The following CPAP variants were observed in gnomAD, a reference collection of about 807,000 sequenced individuals.
The protein encoded by CPAP is centrosome assembly and centriole elongation protein.
chr13:24,894,790 T>G, the CPAP span, among the ~76,000 whole-genome samples: 4 of 146,618 alleles, frequency 2.7e-5, no homozygotes, highest in South Asian at 2.2e-4. Flanking sequence ...GCCCTCGGGG[T>G]GCAAAGGGAG....
the CPAP span, among the ~76,000 whole-genome samples, chr13:24,925,406 A>G: frequency 6.6e-6 from 1 of 152,194 alleles, no homozygotes; most frequent in Non-Finnish European, 1.5e-5. Flanking sequence ...TCACACCTGT[A>G]ATCCCAGCAC....
At chr13:24,908,101 T>C in the CPAP span, 1 of 1,612,718 alleles carries the variant, frequency 6.2e-7, no homozygotes, top group Non-Finnish European at 8.5e-7. Context: ...GTTCTGTCAC[T>C]TTCTCCCAAC....
the CPAP span, chr13:24,907,941 A>G: frequency 9.2e-7 from 1 of 1,087,660 alleles, no homozygotes; most frequent in Non-Finnish European, 1.4e-6. Flanking sequence ...GATCTTTCAA[A>G]CAAAGAAAGT....
the CPAP span, chr13:24,905,403 A>C: frequency 0.13 from 206,594 of 1,613,748 alleles, 14,414 homozygotes; most frequent in Non-Finnish European, 0.14. Flanking sequence ...TGTGAATCTG[A>C]CTTTGGTTTT....
chr13:24,889,914 C>CA, the CPAP span, among the ~76,000 whole-genome samples: 43 of 152,196 alleles, frequency 2.8e-4, no homozygotes, highest in African/African-American at 1.0e-3. Flanking sequence ...CCGTCCCTGC[C>CA]AGGAGGTGAT....
chr13:24,912,490 G>C, the CPAP span: 7 of 1,125,268 alleles, frequency 6.2e-6, no homozygotes, highest in Non-Finnish European at 7.8e-6. Context: ...GAGTGAAGGG[G>C]AAAAAACAAG....
chr13:24,902,246 CA>C, the CPAP span, among the ~76,000 whole-genome samples: 2 of 147,828 alleles, frequency 1.4e-5, no homozygotes, highest in Non-Finnish European at 3.0e-5. Context: ...TAAAAAAAAA[CA>C]AAAAACAACA....
the CPAP span, among the ~76,000 whole-genome samples, chr13:24,923,256 T>G: frequency 5.4e-4 from 81 of 148,796 alleles, 1 homozygote; most frequent in African/African-American, 2.0e-3. Context: ...TTTTTTTTTT[T>G]CTATTTGCGT....
the CPAP span, among the ~76,000 whole-genome samples, chr13:24,910,671 C>T: frequency 6.6e-6 from 1 of 152,360 alleles, no homozygotes; most frequent in African/African-American, 2.4e-5. Context: ...TGCTCCATGA[C>T]TGCATGAGGC....
the CPAP span, among the ~76,000 whole-genome samples, chr13:24,909,173 T>C: frequency 1.3e-5 from 2 of 152,108 alleles, no homozygotes; most frequent in African/African-American, 2.4e-5. Flanking sequence ...ACATGTTGTA[T>C]AAAAAAGAAG....
chr13:24,899,987 C>A, the CPAP span, among the ~76,000 whole-genome samples: 2 of 151,370 alleles, frequency 1.3e-5, no homozygotes, highest in South Asian at 4.2e-4. Context: ...TATTCCCATG[C>A]AGCTTCTTAC....
the CPAP span, among the ~76,000 whole-genome samples, chr13:24,888,342 G>A: frequency 6.6e-6 from 1 of 151,894 alleles, no homozygotes; most frequent in Non-Finnish European, 1.5e-5. Flanking sequence ...ATTACTATGC[G>A]GAATATTTTA....
At chr13:24,882,983 G>A in the CPAP span, 6 of 600,980 alleles carry the variant, frequency 1.0e-5, no homozygotes, top group Non-Finnish European at 1.8e-5. Context: ...GAAAGACAGG[G>A]TAGTGAATTA....
chr13:24,926,640 G>A, the CPAP span, among the ~76,000 whole-genome samples: 14 of 152,230 alleles, frequency 9.2e-5, no homozygotes, highest in African/African-American at 3.4e-4. Context: ...CCACAGAGGA[G>A]ACAGAGTTTC....
At chr13:24,894,720 G>A in the CPAP span, among the ~76,000 whole-genome samples, 1 of 152,136 alleles carries the variant, frequency 6.6e-6, no homozygotes, top group Non-Finnish European at 1.5e-5. Flanking sequence ...GACAGAAGGC[G>A]GAGGCGGAGG....
chr13:24,884,352 C>CGTCACCATTAAAGAAA, the CPAP span: 1 of 1,614,112 alleles, frequency 6.2e-7, no homozygotes, highest in Non-Finnish European at 8.5e-7. Flanking sequence ...ACCTGCTTCA[C>CGTCACCATTAAAGAAA]GTCACCATTA....
chr13:24,907,620 TTAAAATA>T, the CPAP span, among the ~76,000 whole-genome samples: 1 of 147,938 alleles, frequency 6.8e-6, no homozygotes, highest in African/African-American at 2.4e-5. Flanking sequence ...ATCAACTTAC[TTAAAATA>T]TAAAATACTT....
chr13:24,903,119 T>A, the CPAP span, among the ~76,000 whole-genome samples: 5 of 152,220 alleles, frequency 3.3e-5, no homozygotes, highest in East Asian at 9.7e-4. Context: ...ATAAATAGCC[T>A]CATGTAAGTT....
chr13:24,884,744 G>C, the CPAP span, among the ~76,000 whole-genome samples: 1 of 152,102 alleles, frequency 6.6e-6, no homozygotes, highest in African/African-American at 2.4e-5. Flanking sequence ...CTACTGCTTT[G>C]CCTGTTGTTC....
Sources: allele counts gnomAD v4.1 joint callset (sites outside exome capture counted in the v4.1 genomes callset), GRCh38; gene constraint gnomAD v4.1.1; transcripts MANE v1.5; gene names NCBI Gene and HGNC (gene_info 2026-07-23, HGNC 2026-07-21).